TNRC6B: variants seen among roughly 807,000 people sequenced by gnomAD.
TNRC6B encodes trinucleotide repeat-containing gene 6B protein.
TNRC6B carries 52 observed loss-of-function variants against 203.6 expected under a neutral mutation model. The ratio of observed to expected loss-of-function variants is 0.26; its 90% confidence interval spans 0.20 to 0.32. TNRC6B has a LOEUF of 0.32. Ranked by LOEUF, TNRC6B falls within the 10% of genes least tolerant of loss-of-function variation. TNRC6B has a pLI of 1.00. For missense variants in TNRC6B, 1,923 were observed against 2,286.2 expected, an observed-to-expected ratio of 0.84 and a Z score of 3.24; for synonymous variants, 838 against 845.7, an observed-to-expected ratio of 0.99 and a Z score of 0.16.
chr22:40,071,381 C>T (rs1217170497), intron 1 of TNRC6B, among the ~76,000 whole-genome samples: 1 of 152,204 alleles, frequency 6.6e-6, no homozygotes, highest in East Asian at 1.9e-4. Context: ...TACAGTACCT[C>T]ATGTAATATC....
intron 16 of TNRC6B, among the ~76,000 whole-genome samples, chr22:40,309,330 GTATAAA>G (rs1439043888): frequency 6.6e-6 from 1 of 152,230 alleles, no homozygotes; most frequent in Non-Finnish European, 1.5e-5. Flanking sequence ...TGAGAACCAA[GTATAAA>G]TAGGTGTCCG....
chr22:40,163,275 G>T (rs1448644497), intron 4 of TNRC6B, among the ~76,000 whole-genome samples: 1 of 150,720 alleles, frequency 6.6e-6, no homozygotes, highest in African/African-American at 2.4e-5. Flanking sequence ...TTAGCTGAGC[G>T]TGTTGTTGTG....
chr22:40,177,354 A>G (rs537428176), upstream of TNRC6B, among the ~76,000 whole-genome samples: 1 of 152,252 alleles, frequency 6.6e-6, no homozygotes, highest in South Asian at 2.1e-4. Flanking sequence ...GAATTGGGAA[A>G]CCAGTCCCTC....
In TNRC6B at chr22:40,164,779, GTTT is replaced by G. The variant is rs36044175; in HGVS notation, c.113+8610_113+8612del. ...CTGTCTCAAAAAAAAAAAAAAAAAAGTTTTTTTTTTTTTTTCCCTGAAATAGCG... is the reference window on the plus strand; with the variant it reads ...CTGTCTCAAAAAAAAAAAAAAAAAAGTTTTTTTTTTTTCCCTGAAATAGCG... On this transcript the variant is annotated intron_variant, in intron 4 of 23. Transcript: ENST00000301923. Among the ~76,000 whole-genome samples, 257 of 113,974 alleles carry G rather than the reference GTTT, an allele frequency of 2.3e-3. 1 individual carries two copies. Among genetic ancestry groups the G allele is most frequent in the African/African-American group, 8.0e-3 (230 of 28,818 alleles). The allele number at this position is 113,974 out of a possible 152,430, so 74.8% of individuals were successfully genotyped here. A position where few individuals can be genotyped will look rare whatever the true frequency, so the allele number is the denominator to read the frequency against.
chr22:40,282,084 C>A (rs1185158405), intron 11 of TNRC6B, among the ~76,000 whole-genome samples: 1 of 152,238 alleles, frequency 6.6e-6, no homozygotes, highest in African/African-American at 2.4e-5. Context: ...ACTTCTGTGA[C>A]CACTTACTTG....
intron 4 of TNRC6B, among the ~76,000 whole-genome samples, chr22:40,162,802 C>G (rs570853702): frequency 1.1e-4 from 16 of 152,114 alleles, no homozygotes; most frequent in Non-Finnish European, 5.9e-5. Context: ...TAATCTTGAA[C>G]AGCTTTTGGG....
chr22:40,047,283 A>G (rs1043327984), intron 1 of TNRC6B, among the ~76,000 whole-genome samples: 1 of 152,154 alleles, frequency 6.6e-6, no homozygotes, highest in Non-Finnish European at 1.5e-5. Flanking sequence ...ACCACTGATG[A>G]TTAGGTTGCC....
At chr22:40,211,793 C>T (rs1310123273) in intron 1 of TNRC6B, among the ~76,000 whole-genome samples, 1 of 152,162 alleles carries the variant, frequency 6.6e-6, no homozygotes, top group African/African-American at 2.4e-5. Flanking sequence ...GGAGATATCT[C>T]CATTTTATAT....
chr22:40,194,816 A>C (rs943150950), intron 1 of TNRC6B, among the ~76,000 whole-genome samples: 1 of 152,014 alleles, frequency 6.6e-6, no homozygotes, highest in African/African-American at 2.4e-5. Flanking sequence ...GGGGAAGGGG[A>C]GGGGGAGACT....
At chr22:40,113,137 AAG>A (rs1252443527) in intron 1 of TNRC6B, among the ~76,000 whole-genome samples, 2 of 152,172 alleles carry the variant, frequency 1.3e-5, no homozygotes, top group Non-Finnish European at 2.9e-5. Flanking sequence ...TAGGAAGGGA[AAG>A]AGGGGAGGAG....
At chr22:40,159,202 A>G (rs2068849500) in intron 4 of TNRC6B, among the ~76,000 whole-genome samples, 1 of 151,012 alleles carries the variant, frequency 6.6e-6, no homozygotes, top group Admixed American at 6.6e-5. Flanking sequence ...TGACCTTGTG[A>G]TCTGCCCGCC....
At chr22:40,073,729 C>A (rs2067976566) in intron 1 of TNRC6B, among the ~76,000 whole-genome samples, 1 of 151,788 alleles carries the variant, frequency 6.6e-6, no homozygotes, top group Admixed American at 6.6e-5. Flanking sequence ...GTCTGGGTAA[C>A]ATGGTGAAGC....
chr22:40,231,363 CTT>C (rs2069866985), intron 1 of TNRC6B, among the ~76,000 whole-genome samples: 1 of 152,090 alleles, frequency 6.6e-6, no homozygotes, highest in African/African-American at 2.4e-5. Flanking sequence ...AATATTAAGT[CTT>C]TTCATTCATG....
At chr22:40,285,509 T>C in intron 11 of TNRC6B, 136 bp from the exon 12 acceptor site, 1 of 1,019,740 alleles carries the variant, frequency 9.8e-7, no homozygotes. Flanking sequence ...GATAAGGAAC[T>C]TCTCAGTTAC....
chr22:40,150,455 G>C (rs528425762), intron 3 of TNRC6B, among the ~76,000 whole-genome samples: 26 of 152,218 alleles, frequency 1.7e-4, no homozygotes, highest in African/African-American at 5.3e-4. Context: ...AAGAAGAGAT[G>C]AAGAGGATAA....
intron 4 of TNRC6B, among the ~76,000 whole-genome samples, chr22:40,160,635 A>G (rs1205555065): frequency 6.6e-6 from 1 of 152,154 alleles, no homozygotes. Flanking sequence ...CAGCGAGGTA[A>G]GTCACTGCAA....
chr22:40,107,015 G>C, intron 1 of TNRC6B: 1 of 1,117,350 alleles, frequency 8.9e-7, no homozygotes, highest in South Asian at 1.3e-5. Flanking sequence ...TTTTCTTAAG[G>C]ATTTCTGGCA....
At chr22:40,153,950 T>G (rs1355709763) in intron 3 of TNRC6B, among the ~76,000 whole-genome samples, 1 of 151,396 alleles carries the variant, frequency 6.6e-6, no homozygotes, top group Non-Finnish European at 1.5e-5. Flanking sequence ...TTAATTAATA[T>G]TAATATTAAG....
chr22:40,138,011 C>T (rs1469825684), intron 3 of TNRC6B, among the ~76,000 whole-genome samples: 1 of 149,844 alleles, frequency 6.7e-6, no homozygotes. Context: ...AATGACCTGG[C>T]AGGAGTGTGG....
Sources: allele counts gnomAD v4.1 joint callset (sites outside exome capture counted in the v4.1 genomes callset), GRCh38; gene constraint gnomAD v4.1.1; transcripts MANE v1.5; gene names NCBI Gene and HGNC (gene_info 2026-07-23, HGNC 2026-07-21).